Variants in TPO observed in about 807,000 individuals in gnomAD.
TPO encodes the protein thyroid microsomal antigen.
Under a neutral mutation model 96.9 loss-of-function variants are expected in TPO, and 78 were observed. The observed-to-expected ratio is 0.81, with a 90% CI of 0.67 to 0.97. The LOEUF is 0.97. TPO is among the 50% of genes least tolerant of loss of function. The pLI is 0.00. For synonymous variants in TPO, 547 were observed against 538.0 expected, an observed-to-expected ratio of 1.02 and a Z score of -0.23; for missense variants, 1,252 against 1,274.8, an observed-to-expected ratio of 0.98 and a Z score of 0.27.
chr2:1,505,163 G>T (rs1673274519), intron 14 of TPO, among the ~76,000 whole-genome samples: 1 of 152,178 alleles, frequency 6.6e-6, no homozygotes, highest in Non-Finnish European at 1.5e-5. Flanking sequence ...GCCTTCAGAG[G>T]CTGGGGAGGC....
intron 7 of TPO, among the ~76,000 whole-genome samples, chr2:1,469,497 A>G (rs2148646906): frequency 6.6e-6 from 1 of 152,272 alleles, no homozygotes; most frequent in East Asian, 1.9e-4. Flanking sequence ...TCTAGCCACC[A>G]AGTTCAAATT....
At chr2:1,384,033 T>A (rs1661850588) in intron 1 of TPO, among the ~76,000 whole-genome samples, 1 of 152,222 alleles carries the variant, frequency 6.6e-6, no homozygotes, top group African/African-American at 2.4e-5. Flanking sequence ...GTTGTAGATG[T>A]GTGGCATTAT....
At chr2:1,449,896 C>T (rs1421328381) in intron 5 of TPO, among the ~76,000 whole-genome samples, 2 of 152,166 alleles carry the variant, frequency 1.3e-5, no homozygotes, top group Non-Finnish European at 2.9e-5. Context: ...ATAATCCCAG[C>T]TCACAAACTG....
chr2:1,516,793 G>A, intron 14 of TPO, 90 bp from the exon 15 acceptor site: 1 of 1,225,592 alleles, frequency 8.2e-7, no homozygotes, highest in Non-Finnish European at 1.2e-6. Flanking sequence ...CACTGGCCCA[G>A]GACAGGGTAT....
chr2:1,499,159 G>C (rs1672634081), intron 13 of TPO, among the ~76,000 whole-genome samples: 1 of 152,096 alleles, frequency 6.6e-6, no homozygotes, highest in Non-Finnish European at 1.5e-5. Context: ...ATCAGGAAGG[G>C]AGACTGCTGG....
At chr2:1,436,211 T>C in intron 4 of TPO, 41 bp from the exon 5 acceptor site, 10 of 1,614,036 alleles carry the variant, frequency 6.2e-6, no homozygotes, top group Non-Finnish European at 8.5e-6. Flanking sequence ...GGTGGATTTG[T>C]GGTTACAAGC....
chr2:1,419,778 C>T (rs1354217925), intron 2 of TPO, among the ~76,000 whole-genome samples: 2 of 152,218 alleles, frequency 1.3e-5, no homozygotes, highest in Admixed American at 1.3e-4. Context: ...ACGATCCATT[C>T]GAGTTTCCAT....
intron 1 of TPO, among the ~76,000 whole-genome samples, chr2:1,384,638 A>G (rs1483181256): frequency 6.6e-6 from 1 of 152,138 alleles, no homozygotes; most frequent in African/African-American, 2.4e-5. Context: ...TTCTAAATAT[A>G]CAATCATGTC....
chr2:1,377,397 A>G (rs1256318878), intron 1 of TPO, among the ~76,000 whole-genome samples: 2 of 152,202 alleles, frequency 1.3e-5, no homozygotes, highest in Admixed American at 1.3e-4. Context: ...AGGCATTTTC[A>G]AAAGTTAGCC....
At chr2:1,465,286 G>T (rs1315887073) in intron 7 of TPO, among the ~76,000 whole-genome samples, 2 of 152,196 alleles carry the variant, frequency 1.3e-5, no homozygotes, top group African/African-American at 4.8e-5. Flanking sequence ...GTACTATGCT[G>T]TTTTGGTGAC....
intron 10 of TPO, among the ~76,000 whole-genome samples, chr2:1,491,913 G>A (rs574866002): frequency 7.2e-5 from 11 of 152,322 alleles, no homozygotes; most frequent in Admixed American, 1.3e-4. Context: ...ATCACAGGGC[G>A]GCAGAGCCCA....
intron 3 of TPO, among the ~76,000 whole-genome samples, chr2:1,427,933 T>C (rs538163271): frequency 6.6e-6 from 1 of 152,218 alleles, no homozygotes; most frequent in Non-Finnish European, 1.5e-5. Flanking sequence ...ATTACTGGGA[T>C]GACAGACAGA....
intron 3 of TPO, among the ~76,000 whole-genome samples, chr2:1,431,472 A>G (rs980264231): frequency 4.9e-4 from 74 of 152,342 alleles, no homozygotes; most frequent in Middle Eastern, 3.4e-3. Context: ...CAATGCAAAA[A>G]ATAGGTTAAC....
At chr2:1,535,212 C>T (rs535558781) in intron 15 of TPO, among the ~76,000 whole-genome samples, 5 of 131,924 alleles carry the variant, frequency 3.8e-5, no homozygotes, top group Non-Finnish European at 8.0e-5. Context: ...TCATCAATTT[C>T]CCCCCATTCT....
chr2:1,448,082 C>T (rs1158011915), intron 5 of TPO, among the ~76,000 whole-genome samples: 2 of 152,166 alleles, frequency 1.3e-5, no homozygotes, highest in Non-Finnish European at 2.9e-5. Flanking sequence ...CCTGACAGCA[C>T]AGGGGTCTTG....
rs773109283 is a variant in TPO at position 1,487,908 on chromosome 2, A to C, written c.1685A>C (p.Glu562Ala). ...CAGCTGATGAACGAGGAGCTGACGGAAAGGCTCTTTGTGCTGTCCAATTCC... is the reference window on the plus strand; with the variant it reads ...CAGCTGATGAACGAGGAGCTGACGGCAAGGCTCTTTGTGCTGTCCAATTCC... ...QDQLMNEELT[E>A]RLFVLSNSST... The change falls in exon 10 of 17, where the codon GAA (glutamate) becomes GCA (alanine). Residue 562 changes from glutamate (E) to alanine (A), a missense_variant. Physicochemically the swap from Glu to Ala is moderately radical, Grantham distance 107. Coordinates refer to ENST00000329066, the MANE Select transcript of TPO (RefSeq NM_001206744.2). 2.5e-6 allele frequency: 4 copies of C among 1,614,118 alleles called. No homozygotes were observed. In the East Asian group the frequency reaches 8.9e-5, roughly 36 times the overall value.
rs114747728 is a variant in TPO at position 1,434,563 on chromosome 2, G to A, written c.349+956G>A. 4.0e-3 allele frequency among the ~76,000 whole-genome samples: 603 copies of A among 152,238 alleles called. 8 individuals carry two copies. Among genetic ancestry groups the A allele is most frequent in the African/African-American group, 0.014 (586 of 41,538 alleles). On this transcript the variant is annotated intron_variant, in intron 4 of 16. Transcript: ENST00000329066. Reference sequence around the variant, plus strand: ...CTGTCCTGTTACGGGACACTGTCCTGTCCACTGTCCTGTCAGGCCTCCTAT... The same window carrying A: ...CTGTCCTGTTACGGGACACTGTCCTATCCACTGTCCTGTCAGGCCTCCTAT...
intron 1 of TPO, 86 bp from the exon 2 acceptor site, chr2:1,414,322 C>T (rs958415487): frequency 8.4e-6 from 11 of 1,304,138 alleles, no homozygotes; most frequent in South Asian, 2.5e-5. Flanking sequence ...TGGAGGGAGC[C>T]CCTCAGCAGG....
At chr2:1,424,665 A>G (rs1664136762) in intron 3 of TPO, among the ~76,000 whole-genome samples, 1 of 152,226 alleles carries the variant, frequency 6.6e-6, no homozygotes, top group Non-Finnish European at 1.5e-5. Context: ...TCAAAAAAAT[A>G]CACTATACTA....
Sources: allele counts gnomAD v4.1 joint callset (sites outside exome capture counted in the v4.1 genomes callset), GRCh38; gene constraint gnomAD v4.1.1; transcripts MANE v1.5; gene names NCBI Gene and HGNC (gene_info 2026-07-23, HGNC 2026-07-21).